MICU2: variants seen among roughly 807,000 people sequenced by gnomAD.
MICU2 encodes the protein mitochondrial calcium uptake 2.
Under a neutral mutation model 60.4 loss-of-function variants are expected in MICU2, and 64 were observed. The ratio of observed to expected loss-of-function variants is 1.06; its 90% CI spans 0.87 to 1.31. The LOEUF (loss-of-function observed/expected upper bound fraction) is 1.31. Ranked by LOEUF, MICU2 falls within the 50% of genes most tolerant of loss-of-function variation. The pLI is 0.00. For synonymous variants in MICU2, 201 were observed against 175.0 expected (o/e 1.15, Z -1.17); for missense variants, 569 against 531.0 (o/e 1.07, Z -0.70).
intron 1 of MICU2, among the ~76,000 whole-genome samples, chr13:21,602,329 T>C (rs1441051636): frequency 6.6e-6 from 1 of 152,098 alleles, no homozygotes; most frequent in East Asian, 1.9e-4. Context: ...GAGACCATCC[T>C]GGCTAATACG....
At chr13:21,555,691 C>T (rs974541928) in intron 2 of MICU2, among the ~76,000 whole-genome samples, 1 of 152,020 alleles carries the variant, frequency 6.6e-6, no homozygotes, top group Non-Finnish European at 1.5e-5. Context: ...TTTCTCAATC[C>T]ATCAACTCTC....
In MICU2 at chr13:21,496,183, T is replaced by A. The variant is rs780406048; in HGVS notation, c.934-23A>T. On this transcript the variant is annotated intron_variant, in intron 9 of 11. Coordinates refer to ENST00000382374, the MANE Select transcript of MICU2 (RefSeq NM_152726.3). ...GCTCTAATAAAGTAAGAGTTTTTAT[T>A]ACAATTTTGTAAGTACATTAAATAA... The A allele has an allele frequency of 5.2e-6, 8 of 1,533,070 alleles. No homozygotes were observed. In the African/African-American group the frequency reaches 1.1e-4, roughly 21 times the overall value. The allele number at this position is 1,533,070 out of a possible 1,614,324, so 95.0% of individuals were successfully genotyped here.
intron 5 of MICU2, among the ~76,000 whole-genome samples, 183 bp downstream of exon 5, chr13:21,522,420 G>A (rs184455205): frequency 2.0e-5 from 3 of 152,316 alleles, no homozygotes; most frequent in Admixed American, 2.0e-4. Flanking sequence ...CTGCTATAGT[G>A]CACAGGAGGC....
At chr13:21,576,716 G>A (rs1358508092) in intron 1 of MICU2, among the ~76,000 whole-genome samples, 2 of 152,148 alleles carry the variant, frequency 1.3e-5, no homozygotes, top group African/African-American at 4.8e-5. Flanking sequence ...CAGCTTACAG[G>A]AAACTGACAG....
chr13:21,579,365 A>C (rs1030386178), intron 1 of MICU2, among the ~76,000 whole-genome samples: 1 of 133,514 alleles, frequency 7.5e-6, no homozygotes, highest in Non-Finnish European at 1.6e-5. Context: ...TTTGAGATGG[A>C]GTTTCATTCT....
intron 1 of MICU2, among the ~76,000 whole-genome samples, chr13:21,580,610 T>C (rs1888327078): frequency 1.3e-5 from 2 of 152,196 alleles, no homozygotes; most frequent in African/African-American, 2.4e-5. Context: ...GAGTAACTCT[T>C]AAATATTTGA....
chr13:21,535,072 G>C (rs1887100479), intron 4 of MICU2, among the ~76,000 whole-genome samples: 1 of 151,860 alleles, frequency 6.6e-6, no homozygotes, highest in South Asian at 2.1e-4. Context: ...TTTGAAATGG[G>C]GTTGTCTTTT....
chr13:21,588,854 G>T (rs763358368), intron 1 of MICU2, among the ~76,000 whole-genome samples: 12 of 152,144 alleles, frequency 7.9e-5, no homozygotes, highest in Non-Finnish European at 1.5e-4. Flanking sequence ...GGGAATACCA[G>T]ATCAATTTAA....
intron 4 of MICU2, among the ~76,000 whole-genome samples, chr13:21,529,440 A>G (rs1886934745): frequency 6.6e-6 from 1 of 152,236 alleles, no homozygotes; most frequent in Non-Finnish European, 1.5e-5. Context: ...TCAGGAGTGT[A>G]GCCTGGGCTG....
At chr13:21,585,287 G>A (rs1323132710) in intron 1 of MICU2, among the ~76,000 whole-genome samples, 2 of 152,146 alleles carry the variant, frequency 1.3e-5, no homozygotes, top group Non-Finnish European at 2.9e-5. Flanking sequence ...ATTTTTACCT[G>A]AGGCAGTAAA....
At chr13:21,523,015 G>A (rs1324812707) in intron 4 of MICU2, among the ~76,000 whole-genome samples, 1 of 152,140 alleles carries the variant, frequency 6.6e-6, no homozygotes, top group Non-Finnish European at 1.5e-5. Context: ...GTGTGGGTGG[G>A]CATTATCCAC....
intron 9 of MICU2, among the ~76,000 whole-genome samples, chr13:21,499,498 C>T (rs937996872): frequency 1.3e-5 from 2 of 151,872 alleles, no homozygotes; most frequent in Non-Finnish European, 2.9e-5. Flanking sequence ...CAAACTTCAC[C>T]TCCTGGGTTC....
At chr13:21,592,258 A>G (rs1888599810) in intron 1 of MICU2, among the ~76,000 whole-genome samples, 1 of 152,178 alleles carries the variant, frequency 6.6e-6, no homozygotes, top group Non-Finnish European at 1.5e-5. Context: ...AAACTAGAAA[A>G]TCTAGAAGAA....
At chr13:21,564,820 AG>A (rs1887936636) in intron 2 of MICU2, among the ~76,000 whole-genome samples, 1 of 152,192 alleles carries the variant, frequency 6.6e-6, no homozygotes, top group Admixed American at 6.5e-5. Flanking sequence ...AACCTGGCAG[AG>A]TTCCTCAAGG....
chr13:21,561,081 T>C (rs189785900), intron 2 of MICU2, among the ~76,000 whole-genome samples: 54 of 152,354 alleles, frequency 3.5e-4, no homozygotes, highest in Middle Eastern at 3.4e-3. Context: ...TGTCATTTAA[T>C]TTCCAAATAC....
chr13:21,587,569 G>C (rs1888485934), intron 1 of MICU2, among the ~76,000 whole-genome samples: 2 of 152,200 alleles, frequency 1.3e-5, no homozygotes, highest in African/African-American at 4.8e-5. Context: ...AATGATAGGT[G>C]AAAATGCTTT....
At chr13:21,530,504 T>C (rs1447362767) in intron 4 of MICU2, among the ~76,000 whole-genome samples, 1 of 151,718 alleles carries the variant, frequency 6.6e-6, no homozygotes, top group Non-Finnish European at 1.5e-5. Flanking sequence ...TGATTAATGC[T>C]GTTGTTCATT....
At chr13:21,567,276 A>AAG (rs1171215336) in intron 1 of MICU2, among the ~76,000 whole-genome samples, 1 of 152,210 alleles carries the variant, frequency 6.6e-6, no homozygotes, top group East Asian at 1.9e-4. Flanking sequence ...ATAGTCAGAG[A>AAG]AGGTCTTTCT....
chr13:21,527,260 G>A (rs1007197140), intron 4 of MICU2, among the ~76,000 whole-genome samples: 9 of 152,124 alleles, frequency 5.9e-5, no homozygotes, highest in African/African-American at 1.7e-4. Flanking sequence ...TTCATTCTTC[G>A]GCAGCCTTAA....
Sources: allele counts gnomAD v4.1 joint callset (sites outside exome capture counted in the v4.1 genomes callset), GRCh38; gene constraint gnomAD v4.1.1; transcripts MANE v1.5; gene names NCBI Gene and HGNC (gene_info 2026-07-23, HGNC 2026-07-21).